PDE5A: variants seen among roughly 807,000 people sequenced by gnomAD.
PDE5A encodes the protein phosphodiesterase 5A.
A neutral mutation model predicts 110.2 loss-of-function variants in PDE5A; 67 were observed. That is an observed-to-expected ratio of 0.61 (90% CI 0.50 to 0.75). The LOEUF (loss-of-function observed/expected upper bound fraction) is 0.75, where lower values mean the gene tolerates loss of function less well. Ranked by LOEUF, PDE5A falls within the 30% of genes least tolerant of loss-of-function variation. The pLI is 0.00. For synonymous variants in PDE5A, 328 were observed against 351.2 expected (o/e 0.93, Z 0.74); for missense variants, 862 against 1,045.1 (o/e 0.82, Z 2.42).
At chr4:119,499,834 G>C (rs1316776281) in intron 20 of PDE5A, 1 of 152,144 alleles carries the variant, frequency 6.6e-6, no homozygotes, top group Non-Finnish European at 1.5e-5. Flanking sequence ...TGGGATTACA[G>C]GTGTAAGCCA....
chr4:119,621,001 G>T (rs974788195), intron 1 of PDE5A, among the ~76,000 whole-genome samples: 7 of 152,192 alleles, frequency 4.6e-5, no homozygotes, highest in Non-Finnish European at 7.3e-5. Flanking sequence ...TATCTACTTT[G>T]CAAGAGTGTT....
chr4:119,519,561 TAGAA>T (rs1393914051), intron 13 of PDE5A: 4 of 155,632 alleles, frequency 2.6e-5, no homozygotes, highest in African/African-American at 9.6e-5. Flanking sequence ...AGCAAAACAA[TAGAA>T]AGAAAATGAT....
chr4:119,548,044 A>ATTTTTTT (rs11438089), intron 9 of PDE5A, among the ~76,000 whole-genome samples: 18 of 94,772 alleles, frequency 1.9e-4, no homozygotes, highest in Admixed American at 3.0e-4. Flanking sequence ...TTCTCCGTGT[A>ATTTTTTT]TTTTTTTTTT....
chr4:119,501,838 G>A (rs1434048695), intron 19 of PDE5A, among the ~76,000 whole-genome samples: 1 of 152,200 alleles, frequency 6.6e-6, no homozygotes, highest in Non-Finnish European at 1.5e-5. Context: ...CCTTCAACAC[G>A]ACAACTTTGG....
chr4:119,527,092 A>T (rs1422470606), intron 11 of PDE5A: 1 of 152,136 alleles, frequency 6.6e-6, no homozygotes, highest in Non-Finnish European at 1.5e-5. Flanking sequence ...ATACAGTGCA[A>T]TGGACAGGAG....
At chr4:119,545,388 T>C (rs1035578012) in intron 9 of PDE5A, among the ~76,000 whole-genome samples, 30 of 152,104 alleles carry the variant, frequency 2.0e-4, no homozygotes, top group African/African-American at 5.6e-4. Flanking sequence ...TCATAAACCA[T>C]ACAAACTCAG....
At position 119,537,207 on chromosome 4, in the gene PDE5A, C is replaced by G. The variant is rs377247983; in HGVS notation, c.1632+1753G>C. Among the ~76,000 whole-genome samples, 7 of 152,250 alleles carry G rather than the reference C, an allele frequency of 4.6e-5. No individual in the cohort carries two copies. The East Asian group carries it at 1.4e-3, about 29-fold the overall frequency. On this transcript the variant is annotated intron_variant, in intron 11 of 20. Transcript: ENST00000354960. ...CTCACACATTCAAAACCTAACCAAA[C>G]AATAAAAAACTTCACATGATTCGGG...
Position 119,606,725 on chromosome 4 carries a change from A to T in PDE5A, c.725T>A (p.Ile242Asn). ...HVAALGEPLN[I>N]KDAYEDPRFN... The stretch of plus-strand genomic sequence containing the variant: ...CCTGTTTACCTCATATGCATCTTTG[A>T]TGTTCAAGGGCTCACCAAGCGCTGC... Residue 242 changes from isoleucine (I) to asparagine (N), a missense_variant, in exon 2 of 21, where the codon ATC (isoleucine) becomes AAC (asparagine). Ile to Asn is a moderately radical substitution (Grantham distance 149). Coordinates refer to ENST00000354960, the MANE Select transcript of PDE5A (RefSeq NM_001083.4). 6.2e-7 allele frequency: 1 copy of T among 1,613,462 alleles called. No individual in the cohort carries two copies. Among genetic ancestry groups the T allele is most frequent in the Non-Finnish European group, 8.5e-7 (1 of 1,179,610 alleles).
chr4:119,565,021 C>T (rs1218583181), intron 5 of PDE5A, among the ~76,000 whole-genome samples: 1 of 152,060 alleles, frequency 6.6e-6, no homozygotes, highest in African/African-American at 2.4e-5. Context: ...AACACAAGTG[C>T]AACCCATACA....
chr4:119,604,906 C>T lies in PDE5A; in HGVS notation c.741+1803G>A, dbSNP rs535380172. 5.3e-5 allele frequency among the ~76,000 whole-genome samples: 8 copies of T among 152,174 alleles called. No homozygotes were observed. The South Asian group carries it at 8.3e-4, about 16-fold the overall frequency. ...TGCACCAACCTAATACTTCTTCATC[C>T]GAAATCCATTCCCTCCTTTTGATCT... On this transcript the variant is annotated intron_variant, in intron 2 of 20. Transcript: ENST00000354960.
chr4:119,574,340 G>A (rs891207645), intron 3 of PDE5A, among the ~76,000 whole-genome samples: 16 of 140,346 alleles, frequency 1.1e-4, no homozygotes, highest in African/African-American at 3.9e-4. Flanking sequence ...CCGCCACCAC[G>A]CCCCGGCTAA....
chr4:119,553,608 T>C (rs1000404718), intron 8 of PDE5A, 30 bp downstream of exon 8: 3 of 1,068,236 alleles, frequency 2.8e-6, no homozygotes, highest in Non-Finnish European at 2.9e-6. Context: ...AACAGCCTTC[T>C]AGCTTCAAGT....
chr4:119,556,456 C>A lies in PDE5A; in HGVS notation c.1200-2710G>T, dbSNP rs1404744886. ...GTAGAAAGTCCAAAGGTGTCTTGGT[C>A]CCCAAGGTCTTTGTGGAGCACAGCT... On this transcript the variant is annotated intron_variant, in intron 7 of 20. Coordinates refer to ENST00000354960, the MANE Select transcript of PDE5A (RefSeq NM_001083.4). Among the ~76,000 whole-genome samples the A allele has an allele frequency of 2.0e-5, 3 of 152,280 alleles. No homozygotes were observed. The East Asian group carries it at 5.8e-4, about 29-fold the overall frequency.
At chr4:119,614,729 C>G (rs1195758091) in intron 1 of PDE5A, among the ~76,000 whole-genome samples, 1 of 152,146 alleles carries the variant, frequency 6.6e-6, no homozygotes, top group Admixed American at 6.6e-5. Flanking sequence ...AAACTGCAAA[C>G]TACTTATAAA....
intron 1 of PDE5A, among the ~76,000 whole-genome samples, chr4:119,611,938 T>C (rs951574344): frequency 6.6e-6 from 1 of 152,224 alleles, no homozygotes; most frequent in Non-Finnish European, 1.5e-5. Context: ...CAGTGCACAA[T>C]CTATATGGCC....
intron 7 of PDE5A, among the ~76,000 whole-genome samples, chr4:119,559,186 T>A (rs1380812137): frequency 1.3e-5 from 2 of 152,152 alleles, no homozygotes; most frequent in Non-Finnish European, 2.9e-5. Flanking sequence ...GAAACAAATA[T>A]ATATATAGCA....
At chr4:119,618,376 T>C (rs1420818705) in intron 1 of PDE5A, among the ~76,000 whole-genome samples, 6 of 152,140 alleles carry the variant, frequency 3.9e-5, no homozygotes, top group Non-Finnish European at 8.8e-5. Context: ...TCTTGCTTCT[T>C]CCTAAGCCCC....
At chr4:119,600,337 GTAGA>G (rs1729300436) in intron 2 of PDE5A, among the ~76,000 whole-genome samples, 1 of 152,108 alleles carries the variant, frequency 6.6e-6, no homozygotes, top group Non-Finnish European at 1.5e-5. Context: ...ATTATAATAA[GTAGA>G]TAGATACAGA....
chr4:119,534,193 G>A (rs1223362422), intron 11 of PDE5A, among the ~76,000 whole-genome samples: 1 of 152,108 alleles, frequency 6.6e-6, no homozygotes, highest in African/African-American at 2.4e-5. Context: ...TGTTTCAGAG[G>A]ATTTCTAGGA....
Sources: gnomAD v4.1 joint callset for allele counts (sites outside exome capture counted in the v4.1 genomes callset) on GRCh38, gnomAD v4.1.1 for gene constraint, MANE v1.5 for transcripts, NCBI Gene and HGNC (gene_info 2026-07-23, HGNC 2026-07-21) for gene names.